The following MGMT variants were observed in gnomAD, a reference collection of about 807,000 sequenced individuals.
MGMT encodes methylated-DNA--protein-cysteine methyltransferase.
In MGMT, 14 loss-of-function variants were observed where a neutral mutation model predicts 15.9. That is an observed-to-expected ratio of 0.88 (90% CI 0.58 to 1.37). The LOEUF is 1.37. Among genes scored for constraint, MGMT ranks in the 40% most tolerant of loss-of-function variants. The pLI, the probability that MGMT is intolerant of heterozygous loss-of-function variation, is 0.00. For synonymous variants in MGMT, 130 were observed against 118.2 expected (o/e 1.10, Z -0.65); for missense variants, 282 against 268.1 (o/e 1.05, Z -0.36).
At chr10:129,737,037 T>C (rs1303392398) in intron 3 of MGMT, among the ~76,000 whole-genome samples, 6 of 152,236 alleles carry the variant, frequency 3.9e-5, no homozygotes, top group South Asian at 2.1e-4. Context: ...ATTATGTGTC[T>C]TGGAGTTGCT....
chr10:129,686,745 G>A (rs1199985790), intron 2 of MGMT, among the ~76,000 whole-genome samples: 1 of 152,178 alleles, frequency 6.6e-6, no homozygotes, highest in Non-Finnish European at 1.5e-5. Flanking sequence ...GCCTGGCATA[G>A]GTGACATCAT....
At chr10:129,540,854 TGGGTGCTGCCTTCCCTCATCTCG>T (rs1364091463) in intron 2 of MGMT, among the ~76,000 whole-genome samples, 1 of 152,224 alleles carries the variant, frequency 6.6e-6, no homozygotes, top group African/African-American at 2.4e-5. Flanking sequence ...TTAGTAGAAT[TGGGTGCTGCCTTCCCTCATCTCG>T]GGGTGCTCCC....
chr10:129,647,322 A>T (rs766211770), intron 2 of MGMT, among the ~76,000 whole-genome samples: 2 of 152,086 alleles, frequency 1.3e-5, no homozygotes, highest in African/African-American at 2.4e-5. Context: ...TCAAGTGTGT[A>T]GTTTACCACG....
chr10:129,587,948 A>G (rs151167006), intron 2 of MGMT, among the ~76,000 whole-genome samples: 45 of 152,082 alleles, frequency 3.0e-4, no homozygotes, highest in African/African-American at 1.1e-3. Context: ...GTGCTAGGTT[A>G]TTTATTTAAT....
intron 3 of MGMT, among the ~76,000 whole-genome samples, chr10:129,755,521 G>T (rs1334019116): frequency 6.6e-6 from 1 of 152,236 alleles, no homozygotes. Flanking sequence ...CTAAGGAAAA[G>T]TCCCAAAGCC....
chr10:129,630,659 CAGAA>C (rs996292210), intron 2 of MGMT, among the ~76,000 whole-genome samples: 15 of 152,126 alleles, frequency 9.9e-5, no homozygotes, highest in Admixed American at 2.0e-4. Flanking sequence ...AAAAAGAAAA[CAGAA>C]GGAAGATTTT....
chr10:129,590,100 A>G (rs1846664945), intron 2 of MGMT, among the ~76,000 whole-genome samples: 1 of 152,070 alleles, frequency 6.6e-6, no homozygotes, highest in African/African-American at 2.4e-5. Context: ...TTCCTCTCCC[A>G]CCTCGAGGAC....
intron 2 of MGMT, among the ~76,000 whole-genome samples, chr10:129,627,321 G>A (rs1457443998): frequency 6.6e-6 from 1 of 152,154 alleles, no homozygotes; most frequent in African/African-American, 2.4e-5. Context: ...CCCAGGGAGA[G>A]ACTAGGATTT....
rs145994841 is a variant in MGMT at position 129,769,837 on chromosome 10, G to A, written c.*2840G>A. Among the ~76,000 whole-genome samples, 3 of 152,310 alleles carry A rather than the reference G, an allele frequency of 2.0e-5. No homozygotes were observed. The East Asian group carries it at 5.8e-4, about 29-fold the overall frequency. On this transcript the variant is annotated 3_prime_UTR_variant, in exon 5 of 5. Coordinates refer to ENST00000651593, the MANE Select transcript of MGMT (RefSeq NM_002412.5). ...TGACCGTGCAAACATGCATGTTATG[G>A]TGTTGGCTGATGCGGAATCAGGAAG...
intron 2 of MGMT, among the ~76,000 whole-genome samples, chr10:129,669,186 TTTG>T (rs1237200409): frequency 6.6e-6 from 1 of 152,142 alleles, no homozygotes; most frequent in African/African-American, 2.4e-5. Context: ...ATCAACTTAT[TTTG>T]TTTTACTGCA....
At chr10:129,545,194 G>C (rs905896892) in intron 2 of MGMT, among the ~76,000 whole-genome samples, 1 of 152,204 alleles carries the variant, frequency 6.6e-6, no homozygotes, top group African/African-American at 2.4e-5. Context: ...CCTCTACTTA[G>C]CTGAACTTGC....
chr10:129,690,612 G>A (rs1847958690), intron 2 of MGMT, among the ~76,000 whole-genome samples: 3 of 152,244 alleles, frequency 2.0e-5, no homozygotes. Flanking sequence ...GTGACCCTCT[G>A]GCCGCAGGAG....
At chr10:129,600,572 T>C (rs922661694) in intron 2 of MGMT, among the ~76,000 whole-genome samples, 7 of 152,246 alleles carry the variant, frequency 4.6e-5, no homozygotes, top group Admixed American at 3.9e-4. Context: ...GGTGAGCCTA[T>C]TTCTTTGCTC....
rs561770373 is a variant in MGMT at position 129,498,293 on chromosome 10, A to G, written c.-13+30997A>G. 7.9e-5 allele frequency among the ~76,000 whole-genome samples: 12 copies of G among 152,308 alleles called. No individual in the cohort carries two copies. In the South Asian group the frequency reaches 2.5e-3, roughly 32 times the overall value. On this transcript the variant is annotated intron_variant, in intron 1 of 4. Coordinates refer to ENST00000651593, the MANE Select transcript of MGMT (RefSeq NM_002412.5). Reference sequence around the variant, plus strand: ...TCCTCTTGGTAATTGAAGTTTTCCCATTGGTAATTAATACCTTGGGGGAGA... The same window carrying G: ...TCCTCTTGGTAATTGAAGTTTTCCCGTTGGTAATTAATACCTTGGGGGAGA...
intron 2 of MGMT, among the ~76,000 whole-genome samples, chr10:129,618,176 C>G (rs944324724): frequency 6.6e-6 from 1 of 152,084 alleles, no homozygotes; most frequent in African/African-American, 2.4e-5. Flanking sequence ...TTTGGTATCC[C>G]TAGAAAACTT....
At chr10:129,735,100 C>G (rs1468874009) in intron 3 of MGMT, among the ~76,000 whole-genome samples, 1 of 152,190 alleles carries the variant, frequency 6.6e-6, no homozygotes, top group Non-Finnish European at 1.5e-5. Flanking sequence ...AGGATTCCCT[C>G]CTTTTCTATT....
intron 1 of MGMT, among the ~76,000 whole-genome samples, chr10:129,506,757 C>G (rs1467599693): frequency 6.6e-6 from 1 of 151,738 alleles, no homozygotes; most frequent in East Asian, 1.9e-4. Context: ...TTTGTACACT[C>G]TGTTTATTCA....
chr10:129,591,350 C>T (rs1846683316), intron 2 of MGMT, among the ~76,000 whole-genome samples: 1 of 152,228 alleles, frequency 6.6e-6, no homozygotes, highest in African/African-American at 2.4e-5. Context: ...CTGTGGTCCA[C>T]TCGTGCGGGA....
chr10:129,643,636 G>A (rs1847353428), intron 2 of MGMT, among the ~76,000 whole-genome samples: 1 of 152,188 alleles, frequency 6.6e-6, no homozygotes, highest in African/African-American at 2.4e-5. Flanking sequence ...AGTGAAAAGG[G>A]CACCAGTGCA....
Sources: gnomAD v4.1 joint callset for allele counts (sites outside exome capture counted in the v4.1 genomes callset) on GRCh38, gnomAD v4.1.1 for gene constraint, MANE v1.5 for transcripts, NCBI Gene and HGNC (gene_info 2026-07-23, HGNC 2026-07-21) for gene names.